Variants in SCHIP1 observed in about 807,000 individuals in gnomAD.
SCHIP1 encodes the protein schwannomin interacting protein 1, also known as schwannomin-interacting protein 1.
SCHIP1 carries 8 observed loss-of-function variants against 29.7 expected under a neutral mutation model. The observed-to-expected ratio is 0.27, with a 90% CI of 0.16 to 0.49. The LOEUF (loss-of-function observed/expected upper bound fraction) is 0.49, where lower values mean the gene tolerates loss of function less well. Among genes scored for constraint, SCHIP1 ranks in the 20% least tolerant of loss-of-function variants. The pLI is 0.99. For synonymous variants in SCHIP1, 76 were observed against 94.9 expected, an observed-to-expected ratio of 0.80 and a Z score of 1.16; for missense variants, 193 against 294.6, an observed-to-expected ratio of 0.66 and a Z score of 2.52.
At chr3:159,335,610 T>A in the SCHIP1 span, among the ~76,000 whole-genome samples, 1 of 152,162 alleles carries the variant, frequency 6.6e-6, no homozygotes, top group African/African-American at 2.4e-5. Flanking sequence ...TTTTTATCCT[T>A]GCGATAGTTT....
At chr3:159,423,263 A>G in the SCHIP1 span, among the ~76,000 whole-genome samples, 5 of 152,258 alleles carry the variant, frequency 3.3e-5, no homozygotes, top group African/African-American at 1.2e-4. Context: ...GCATTGCCTC[A>G]CTCGGGAAGC....
chr3:159,815,361 GTTACTC>G, the SCHIP1 span, among the ~76,000 whole-genome samples: 1 of 152,138 alleles, frequency 6.6e-6, no homozygotes, highest in African/African-American at 2.4e-5. Flanking sequence ...TTTAAAGAAT[GTTACTC>G]TCTCAAGCTT....
the SCHIP1 span, among the ~76,000 whole-genome samples, chr3:159,736,731 A>G: frequency 6.7e-6 from 1 of 149,034 alleles, no homozygotes; most frequent in Admixed American, 6.6e-5. Flanking sequence ...ATACAAGCCC[A>G]TATTCTTTTT....
the SCHIP1 span, among the ~76,000 whole-genome samples, chr3:159,669,642 G>C: frequency 6.6e-6 from 1 of 152,148 alleles, no homozygotes. Context: ...TTGTCTTCAA[G>C]TTCTCTCCAA....
the SCHIP1 span, among the ~76,000 whole-genome samples, chr3:159,788,341 G>A: frequency 9.2e-5 from 14 of 152,326 alleles, no homozygotes; most frequent in East Asian, 5.8e-4. Flanking sequence ...AATACAAGGC[G>A]TTACAGAAGT....
intron 3 of SCHIP1, 168 bp downstream of exon 4, chr3:159,886,492 G>C: frequency 1.7e-6 from 1 of 584,628 alleles, no homozygotes; most frequent in Non-Finnish European, 3.0e-6. Flanking sequence ...AGTCAAAGTT[G>C]TAATAAAATA....
the SCHIP1 span, among the ~76,000 whole-genome samples, chr3:159,401,820 A>G: frequency 6.6e-6 from 1 of 152,158 alleles, no homozygotes; most frequent in African/African-American, 2.4e-5. Context: ...ATCTTGAATT[A>G]ATTTTTGTAT....
At chr3:159,581,059 A>T in the SCHIP1 span, among the ~76,000 whole-genome samples, 1 of 152,152 alleles carries the variant, frequency 6.6e-6, no homozygotes, top group Non-Finnish European at 1.5e-5. Flanking sequence ...TACAAGTCAC[A>T]TTGGAAAATA....
the SCHIP1 span, among the ~76,000 whole-genome samples, chr3:159,806,093 G>T: frequency 6.6e-6 from 1 of 152,166 alleles, no homozygotes; most frequent in East Asian, 1.9e-4. Flanking sequence ...ACAGGCGTGA[G>T]CCACCGCGCC....
chr3:159,762,909 C>T, the SCHIP1 span, among the ~76,000 whole-genome samples: 10 of 152,340 alleles, frequency 6.6e-5, no homozygotes, highest in South Asian at 2.1e-3. Flanking sequence ...CTACCTCTTC[C>T]CCTCCTTTAA....
chr3:159,806,353 A>T, the SCHIP1 span, among the ~76,000 whole-genome samples: 1 of 152,208 alleles, frequency 6.6e-6, no homozygotes, highest in Non-Finnish European at 1.5e-5. Flanking sequence ...TTTGGTCTGT[A>T]TGTGGCAGGT....
chr3:159,720,759 A>G, the SCHIP1 span, among the ~76,000 whole-genome samples: 2 of 151,998 alleles, frequency 1.3e-5, no homozygotes, highest in African/African-American at 4.8e-5. Context: ...TAATTTTTGT[A>G]TTTTTAGTAG....
At chr3:159,401,461 CA>C in the SCHIP1 span, 15 of 580,896 alleles carry the variant, frequency 2.6e-5, no homozygotes, top group Non-Finnish European at 2.8e-5. Flanking sequence ...ATATGCCTGG[CA>C]CAGGCATAAT....
chr3:159,443,549 A>T, the SCHIP1 span, among the ~76,000 whole-genome samples: 2 of 152,014 alleles, frequency 1.3e-5, no homozygotes, highest in Non-Finnish European at 2.9e-5. Context: ...TTGCTCTGTC[A>T]CCAGGCTGGA....
At chr3:159,844,480 G>A (rs1047312952) in intron 1 of SCHIP1, among the ~76,000 whole-genome samples, 1 of 152,210 alleles carries the variant, frequency 6.6e-6, no homozygotes, top group Non-Finnish European at 1.5e-5. Flanking sequence ...TGTTAGCAAA[G>A]AGGTTACTGA....
At chr3:159,510,084 C>T in the SCHIP1 span, among the ~76,000 whole-genome samples, 1 of 152,210 alleles carries the variant, frequency 6.6e-6, no homozygotes, top group Non-Finnish European at 1.5e-5. Context: ...GTTCCATTCT[C>T]GCCATCACTT....
At chr3:159,865,453 A>G (rs1044670512) in intron 1 of SCHIP1, among the ~76,000 whole-genome samples, 2 of 152,144 alleles carry the variant, frequency 1.3e-5, no homozygotes, top group Non-Finnish European at 2.9e-5. Context: ...TCCTTTTTCT[A>G]TGCACACTGA....
At chr3:159,546,268 G>A in the SCHIP1 span, among the ~76,000 whole-genome samples, 1 of 152,016 alleles carries the variant, frequency 6.6e-6, no homozygotes, top group Non-Finnish European at 1.5e-5. Flanking sequence ...GCAATGGTAG[G>A]CATAATTTTC....
the SCHIP1 span, among the ~76,000 whole-genome samples, chr3:159,622,664 A>C: frequency 6.6e-6 from 1 of 152,120 alleles, no homozygotes; most frequent in Admixed American, 6.6e-5. Context: ...CACACCTGTA[A>C]TCCCAGCACT....
Sources: gnomAD v4.1 joint callset for allele counts (sites outside exome capture counted in the v4.1 genomes callset) on GRCh38, gnomAD v4.1.1 for gene constraint, MANE v1.5 for transcripts, NCBI Gene and HGNC (gene_info 2026-07-23, HGNC 2026-07-21) for gene names.